The following RC3H1 variants were observed in gnomAD, a reference collection of about 807,000 sequenced individuals.
The protein encoded by RC3H1 is ring finger and CCCH-type domains 1, also known as roquin-1.
A neutral mutation model predicts 138.2 loss-of-function variants in RC3H1; 50 were observed. That is an observed-to-expected ratio of 0.36 (90% CI 0.29 to 0.46). RC3H1 has a LOEUF of 0.46. Among genes scored for constraint, RC3H1 ranks in the 20% least tolerant of loss-of-function variants. The probability of loss-of-function intolerance (pLI) is 1.00; values close to 1 mark genes in which losing one functional copy is unlikely to be tolerated. For synonymous variants in RC3H1, 462 were observed against 489.1 expected (o/e 0.94, Z 0.73); for missense variants, 1,031 against 1,388.1 (o/e 0.74, Z 4.09).
chr1:173,970,033 A>T (rs142631383), intron 9 of RC3H1, among the ~76,000 whole-genome samples: 1 of 152,304 alleles, frequency 6.6e-6, no homozygotes, highest in East Asian at 1.9e-4. Context: ...TTTCATTTTT[A>T]AAAATTATGT....
Position 173,941,393 on chromosome 1 carries a change from A to T in RC3H1, c.3136-13T>A. The T allele has an allele frequency of 6.5e-7, 1 of 1,531,578 alleles. No homozygotes were observed. Among genetic ancestry groups the T allele is most frequent in the Non-Finnish European group, 9.0e-7 (1 of 1,105,496 alleles). The allele number at this position is 1,531,578 out of a possible 1,614,324, so 94.9% of individuals were successfully genotyped here. A position where few individuals can be genotyped will look rare whatever the true frequency, so the allele number is the denominator to read the frequency against. On this transcript the variant is annotated splice_polypyrimidine_tract_variant and intron_variant, in intron 18 of 19. Transcript: ENST00000367696. Reference sequence around the variant, plus strand: ...AACACTGGTTTTCCTTTGAAAGAGAAGGAAATAAAATCAGTTATCATCTAT... The same window carrying T: ...AACACTGGTTTTCCTTTGAAAGAGATGGAAATAAAATCAGTTATCATCTAT...
intron 14 of RC3H1, among the ~76,000 whole-genome samples, chr1:173,949,138 G>GT (rs1283886757): frequency 1.0e-5 from 1 of 95,808 alleles, no homozygotes; most frequent in Non-Finnish European, 2.0e-5. Flanking sequence ...TTGGGGGGGG[G>GT]GGTGGGGCTG....
intron 1 of RC3H1, among the ~76,000 whole-genome samples, chr1:173,999,907 G>A (rs1446343609): frequency 1.3e-5 from 2 of 152,170 alleles, no homozygotes; most frequent in East Asian, 1.9e-4. Context: ...AAAGTGGCAC[G>A]ACTAAGACTC....
chr1:173,983,763 C>G, intron 3 of RC3H1, 106 bp from the exon 4 acceptor site: 1 of 1,063,388 alleles, frequency 9.4e-7, no homozygotes, highest in Non-Finnish European at 1.4e-6. Context: ...AGTTCTGGGA[C>G]TACTAGAGTA....
chr1:174,022,174 G>A lies in RC3H1; in HGVS notation c.-229C>T, dbSNP rs1037820093. 6.1e-5 allele frequency: 24 copies of A among 394,790 alleles called. No individual in the cohort carries two copies. The highest frequency in any genetic ancestry group is 4.6e-4 in the African/African-American group (22 of 48,262). 24.5% of individuals were successfully genotyped at this position (394,790 alleles called of 1,614,324 possible). ...CACCGCCGCGGCAGCCGCCGCCGCC[G>A]CCGAGGCCACCGTTGACTCTGATTC... On this transcript the variant is annotated 5_prime_UTR_variant, in exon 1 of 20. Transcript: ENST00000367696. The surrounding 1 kb of genome is among the most constrained non-coding windows in gnomAD (Gnocchi z 4.2).
intron 14 of RC3H1, among the ~76,000 whole-genome samples, chr1:173,949,612 G>T (rs985145338): frequency 5.3e-5 from 8 of 151,968 alleles, no homozygotes; most frequent in Admixed American, 5.2e-4. Flanking sequence ...CAAGTGATCC[G>T]CCTGCCTTGG....
At chr1:173,959,680 A>C (rs1050512796) in intron 13 of RC3H1, among the ~76,000 whole-genome samples, 2 of 152,150 alleles carry the variant, frequency 1.3e-5, no homozygotes, top group African/African-American at 2.4e-5. Flanking sequence ...CTGAGATAGG[A>C]GAATCACTTG....
intron 7 of RC3H1, 35 bp from the exon 8 acceptor site, chr1:173,972,662 G>T: frequency 2.8e-6 from 4 of 1,426,664 alleles, no homozygotes; most frequent in Non-Finnish European, 3.9e-6. Context: ...AAACTCTAAT[G>T]TTACTCAAAA....
rs61239660 is a variant in RC3H1, at chr1:174,017,783, C to CAAAAAAAAAAAAA, written c.-151+4300_-151+4312dup. Among the ~76,000 whole-genome samples, 129 of 72,022 alleles carry CAAAAAAAAAAAAA rather than the reference C, an allele frequency of 1.8e-3. 9 individuals carry two copies. Among genetic ancestry groups the CAAAAAAAAAAAAA allele is most frequent in the African/African-American group, 4.3e-3 (76 of 17,520 alleles). The allele number at this position is 72,022 out of a possible 152,430, so 47.2% of individuals were successfully genotyped here. On this transcript the variant is annotated intron_variant, in intron 1 of 19. Coordinates refer to ENST00000367696, the MANE Select transcript of RC3H1 (RefSeq NM_172071.4). The stretch of plus-strand genomic sequence containing the variant: ...ACCCCTTTAGAACTCTTTTCTTGCT[C>CAAAAAAAAAAAAA]AAAAAAAAAAAAAAAAAAAAAAAAA...
intron 8 of RC3H1, among the ~76,000 whole-genome samples, chr1:173,971,366 A>G (rs929299643): frequency 1.3e-5 from 2 of 152,212 alleles, no homozygotes; most frequent in South Asian, 2.1e-4. Context: ...CAATATAGCT[A>G]TATGTATGTT....
intron 6 of RC3H1, among the ~76,000 whole-genome samples, chr1:173,979,391 T>C (rs1378027906): frequency 6.6e-6 from 1 of 152,208 alleles, no homozygotes; most frequent in Admixed American, 6.5e-5. Context: ...CTCACGCCTG[T>C]AATCCTAGCA....
At chr1:173,959,015 T>A (rs1363079281) in intron 13 of RC3H1, among the ~76,000 whole-genome samples, 1 of 152,118 alleles carries the variant, frequency 6.6e-6, no homozygotes, top group African/African-American at 2.4e-5. Flanking sequence ...ACAGCAAACA[T>A]GATAATGGTA....
chr1:174,021,247 T>C (rs910418524), intron 1 of RC3H1, among the ~76,000 whole-genome samples: 3 of 152,308 alleles, frequency 2.0e-5, no homozygotes, highest in African/African-American at 7.2e-5. Flanking sequence ...TCTTTAAACA[T>C]TACAGTTTGT....
Position 173,978,626 on chromosome 1 carries a change from A to C in RC3H1, c.970-6T>G. 6.2e-7 allele frequency: 1 copy of C among 1,607,014 alleles called. No homozygotes were observed. Among genetic ancestry groups the C allele is most frequent in the Non-Finnish European group, 8.5e-7 (1 of 1,177,142 alleles). On this transcript the variant is annotated splice_region_variant and splice_polypyrimidine_tract_variant and intron_variant, in intron 6 of 19. Coordinates refer to ENST00000367696, the MANE Select transcript of RC3H1 (RefSeq NM_172071.4). ...AAAGAGGCTGGAGTCTGCAACTTAAAAAAGATAAATGTTAACTTTCCCAAA... is the reference window on the plus strand; with the variant it reads ...AAAGAGGCTGGAGTCTGCAACTTAACAAAGATAAATGTTAACTTTCCCAAA...
chr1:173,984,402 G>T, intron 3 of RC3H1, 97 bp downstream of exon 3: 1 of 1,148,888 alleles, frequency 8.7e-7, no homozygotes, highest in Non-Finnish European at 1.2e-6. Context: ...CCTCTAGTTA[G>T]GTTTTTTGGG....
chr1:173,959,450 T>C (rs968698755), intron 13 of RC3H1, among the ~76,000 whole-genome samples: 6 of 152,192 alleles, frequency 3.9e-5, no homozygotes, highest in Non-Finnish European at 5.9e-5. Flanking sequence ...GGGTATATCA[T>C]GTTCATAGAG....
intron 14 of RC3H1, 141 bp from the exon 15 acceptor site, chr1:173,947,723 T>A (rs1165161110): frequency 9.0e-6 from 6 of 663,372 alleles, no homozygotes; most frequent in Admixed American, 2.7e-5. Flanking sequence ...TTTGGTTGTT[T>A]TTATGTAACA....
intron 1 of RC3H1, among the ~76,000 whole-genome samples, chr1:174,010,240 A>G (rs1224462306): frequency 6.6e-6 from 1 of 152,092 alleles, no homozygotes; most frequent in East Asian, 1.9e-4. Context: ...TGTATCTATA[A>G]TTTCCTTTTC....
Position 173,941,251 on chromosome 1 carries a change from C to T in RC3H1, c.3251+14G>A, listed in dbSNP as rs374373838. On this transcript the variant is annotated intron_variant, in intron 19 of 19. Coordinates refer to ENST00000367696, the MANE Select transcript of RC3H1 (RefSeq NM_172071.4). ...TGTAATTTAATATGGCTACGACAATCTCCTTTTCTTTACCTGAATGTCAAT... is the reference window on the plus strand; with the variant it reads ...TGTAATTTAATATGGCTACGACAATTTCCTTTTCTTTACCTGAATGTCAAT... 6.0e-5 allele frequency: 90 copies of T among 1,510,918 alleles called. No homozygotes were observed. The African/African-American group carries it at 1.1e-3, about 18-fold the overall frequency. The allele number at this position is 1,510,918 out of a possible 1,614,324, so 93.6% of individuals were successfully genotyped here.
Sources: allele counts gnomAD v4.1 joint callset (sites outside exome capture counted in the v4.1 genomes callset), GRCh38; gene constraint gnomAD v4.1.1; non-coding constraint Gnocchi (gnomAD v3.1); transcripts MANE v1.5; gene names NCBI Gene and HGNC (gene_info 2026-07-23, HGNC 2026-07-21).